GTPBP6: variants seen among roughly 807,000 people sequenced by gnomAD.
GTPBP6 encodes the protein putative GTP-binding protein 6.
GTPBP6 carries 33 observed loss-of-function variants against 28.9 expected under a neutral mutation model. That is an observed-to-expected ratio of 1.14 (90% CI 0.87 to 1.53). The LOEUF (loss-of-function observed/expected upper bound fraction) is 1.53. Among genes scored for constraint, GTPBP6 ranks in the 40% most tolerant of loss-of-function variants. The pLI is 0.00. For synonymous variants in GTPBP6, 231 were observed against 192.7 expected (o/e 1.20, Z -1.65); for missense variants, 507 against 408.3 (o/e 1.24, Z -2.08).
chrX:313,008 G>C, intron 5 of GTPBP6, 84 bp from the exon 6 acceptor site: 1 of 1,244,446 alleles, frequency 8.0e-7, no homozygotes, highest in Non-Finnish European at 1.1e-6. Context: ...GTCTGCGGGG[G>C]CCCGGGGCCT....
At chrX:311,373 C>T in intron 7 of GTPBP6, 46 bp downstream of exon 7, 2 of 1,398,330 alleles carry the variant, frequency 1.4e-6, no homozygotes, top group Non-Finnish European at 2.0e-6. Context: ...AGCCCCCGTG[C>T]CGAATGGGTG....
chrX:312,495 G>T, intron 6 of GTPBP6: 1 of 667,584 alleles, frequency 1.5e-6, no homozygotes, highest in Non-Finnish European at 2.8e-6. Context: ...GGGTGGTAAA[G>T]CTCTGGATGG....
chrX:314,622 G>T (rs192521401), intron 4 of GTPBP6, among the ~76,000 whole-genome samples: 3 of 151,330 alleles, frequency 2.0e-5, no homozygotes, highest in Non-Finnish European at 4.4e-5. Flanking sequence ...TCAGGCGCCC[G>T]CCACCACGCC....
chrX:317,841 A>T (rs1325114871), intron 1 of GTPBP6, among the ~76,000 whole-genome samples: 2 of 102,714 alleles, frequency 1.9e-5, no homozygotes, highest in African/African-American at 3.2e-5. Flanking sequence ...CACCTCCACC[A>T]ATGATATCCT....
At chrX:310,979 G>A (rs1019417822) in intron 7 of GTPBP6, among the ~76,000 whole-genome samples, 1 of 152,132 alleles carries the variant, frequency 6.6e-6, no homozygotes, top group South Asian at 2.1e-4. Flanking sequence ...AGGTGCACCC[G>A]GGAACACGCT....
Position 314,333 on chromosome X carries a change from G to C in GTPBP6, c.690-116C>G. On this transcript the variant is annotated intron_variant, in intron 4 of 9. Coordinates refer to ENST00000326153, the Ensembl canonical transcript of GTPBP6. Reference sequence around the variant, plus strand: ...GGCCTCTGGGCCGAAGGGAGGAGCCGCTGTTGCGGCCCCGCTCCGCGTGTA... The same window carrying C: ...GGCCTCTGGGCCGAAGGGAGGAGCCCCTGTTGCGGCCCCGCTCCGCGTGTA... 4 of 838,130 alleles carry C rather than the reference G, an allele frequency of 4.8e-6. No homozygotes were observed. In the Admixed American group the frequency reaches 7.7e-5, roughly 16 times the overall value. The allele number at this position is 838,130 out of a possible 1,614,324, so 51.9% of individuals were successfully genotyped here.
Position 314,119 on chromosome X carries a change from C to A in GTPBP6, c.757+31G>T, listed in dbSNP as rs774071879. On this transcript the variant is annotated intron_variant, in intron 5 of 9. Coordinates refer to ENST00000326153, the Ensembl canonical transcript of GTPBP6. ...CCGCTGACAACCGCATTCCGAGGACCCTCTGGGACGCCGCGCCCGGCCCGA... is the reference window on the plus strand; with the variant it reads ...CCGCTGACAACCGCATTCCGAGGACACTCTGGGACGCCGCGCCCGGCCCGA... The A allele has an allele frequency of 3.2e-6, 5 of 1,568,964 alleles. No individual in the cohort carries two copies. In the African/African-American group the frequency reaches 7.3e-5, roughly 23 times the overall value.
chrX:314,210 A>G lies in GTPBP6; in HGVS notation c.697T>C (p.Leu233=), dbSNP rs142583177. The G allele has an allele frequency of 1.4e-3, 2,293 of 1,613,242 alleles. 26 individuals carry two copies. In the African/African-American group the frequency reaches 0.023, roughly 16 times the overall value. The change falls in exon 5 of 10, where the codon TTG becomes CTG. Residue 233 remains leucine, a synonymous_variant. Transcript: ENST00000326153. Reference sequence around the variant, plus strand: ...TACAGGTGGGCGACGTCCCTTTTCAAGTTCGACCTGGTGTGGGAACGGGAG... The same window carrying G: ...TACAGGTGGGCGACGTCCCTTTTCAGGTTCGACCTGGTGTGGGAACGGGAG...
intron 4 of GTPBP6, among the ~76,000 whole-genome samples, chrX:314,516 A>C: frequency 6.7e-6 from 1 of 149,888 alleles, no homozygotes; most frequent in South Asian, 2.1e-4. Context: ...TCTGTCACCC[A>C]GGCTGGAGTG....
At chrX:305,030 C>G (rs775029527) in exon 10 of GTPBP6, 12 of 1,604,788 alleles carry the variant, frequency 7.5e-6, no homozygotes, top group Non-Finnish European at 1.0e-5. Context: ...CTCAGCTCCC[C>G]AGGCAGCGAT....
At chrX:305,134 G>A (rs1314381252) in exon 10 of GTPBP6, 2 of 1,613,516 alleles carry the variant, frequency 1.2e-6, no homozygotes, top group Non-Finnish European at 1.7e-6. Context: ...TGACCCTCAC[G>A]TCGGCCGCCC....
At chrX:311,239 GTCCCCGTGCCCA>G (rs2070283431) in intron 7 of GTPBP6, among the ~76,000 whole-genome samples, 168 bp downstream of exon 7, 119 of 99,054 alleles carry the variant, frequency 1.2e-3, no homozygotes, top group Admixed American at 2.0e-3. Context: ...TGAGTGCCTG[GTCCCCGTGCCCA>G]GTGGGTGTCC....
chrX:315,539 C>T (rs1447408588), intron 2 of GTPBP6, among the ~76,000 whole-genome samples: 1 of 119,984 alleles, frequency 8.3e-6, no homozygotes, highest in African/African-American at 4.1e-5. Context: ...GGGACACAAA[C>T]ACATACACAC....
At position 314,146 on chromosome X, in the gene GTPBP6, T is replaced by G. The variant is rs770780355; in HGVS notation, c.757+4A>C. The G allele has an allele frequency of 1.1e-5, 17 of 1,611,594 alleles. No homozygotes were observed. In the African/African-American group the frequency reaches 2.1e-4, roughly 20 times the overall value. ...TCTGGGACGCCGCGCCCGGCCCGAG[T>G]TACCTGACCCCATGATGTAGCGCGA... On this transcript the variant is annotated splice_donor_region_variant and intron_variant, in intron 5 of 9. Coordinates refer to ENST00000326153, the Ensembl canonical transcript of GTPBP6.
At chrX:316,507 G>C (rs1431872934) in intron 2 of GTPBP6, among the ~76,000 whole-genome samples, 2 of 152,180 alleles carry the variant, frequency 1.3e-5, no homozygotes, top group African/African-American at 4.8e-5. Context: ...AAGCGGGATG[G>C]TCAGAAACCT....
intron 4 of GTPBP6, among the ~76,000 whole-genome samples, chrX:314,678 G>T (rs1360675323): frequency 2.6e-5 from 4 of 151,934 alleles, no homozygotes; most frequent in Non-Finnish European, 5.9e-5. Flanking sequence ...GGGTTTCACC[G>T]TGTTGGCCAG....
chrX:315,235 C>T (rs1350089030), exon 3 of GTPBP6: 48 of 398,614 alleles, frequency 1.2e-4, no homozygotes, highest in African/African-American at 7.6e-4. Context: ...GTACCTTGGT[C>T]GGGGCAGCCA....
rs191801024 is a variant in GTPBP6, at chrX:311,783, C to A, written c.917-156G>T. The A allele has an allele frequency of 0.011, 6,932 of 654,856 alleles. 330 individuals carry two copies. In the African/African-American group the frequency reaches 0.11, roughly 11 times the overall value. The allele number at this position is 654,856 out of a possible 1,614,324, so 40.6% of individuals were successfully genotyped here. ...GCTCCTCGGGCACCCCGGGCCAGAC[C>A]CGACGCGTGGGACAAAGCCACCGTC... On this transcript the variant is annotated intron_variant, in intron 6 of 9. Coordinates refer to ENST00000326153, the Ensembl canonical transcript of GTPBP6.
chrX:318,763 G>A (rs1251495998), exon 1 of GTPBP6: 1 of 312,380 alleles, frequency 3.2e-6, no homozygotes, highest in Non-Finnish European at 5.9e-6. Flanking sequence ...AGCCCCGGGC[G>A]TACGGCGGCC....
Sources: gnomAD v4.1 joint callset for allele counts (sites outside exome capture counted in the v4.1 genomes callset) on GRCh38, gnomAD v4.1.1 for gene constraint, MANE v1.5 for transcripts, NCBI Gene and HGNC (gene_info 2026-07-23, HGNC 2026-07-21) for gene names.